The following CACNB4 variants were observed in gnomAD, a reference collection of about 807,000 sequenced individuals.
CACNB4 encodes calcium voltage-gated channel auxiliary subunit beta 4.
CACNB4 carries 32 observed loss-of-function variants against 71.2 expected under a neutral mutation model. The observed-to-expected ratio is 0.45, with a 90% confidence interval of 0.34 to 0.60. The LOEUF is 0.60. CACNB4 is among the 20% of genes least tolerant of loss of function. The pLI, the probability that CACNB4 is intolerant of heterozygous loss-of-function variation, is 0.01. For missense variants in CACNB4, 464 were observed against 647.9 expected, an observed-to-expected ratio of 0.72 and a Z score of 3.08; for synonymous variants, 231 against 236.9, an observed-to-expected ratio of 0.97 and a Z score of 0.23.
At chr2:151,887,285 G>C (rs1436466957) in intron 2 of CACNB4, among the ~76,000 whole-genome samples, 1 of 152,090 alleles carries the variant, frequency 6.6e-6, no homozygotes, top group East Asian at 1.9e-4. Flanking sequence ...TAACCCACGT[G>C]TAAGAAACAT....
At chr2:152,031,703 T>A (rs116390707) in intron 2 of CACNB4, among the ~76,000 whole-genome samples, 2,730 of 152,266 alleles carry the variant, frequency 0.018, 83 homozygotes, top group African/African-American at 0.062. Flanking sequence ...TTCAGAGTCC[T>A]GATGGCCTCT....
chr2:151,940,612 C>T (rs1166980597), intron 2 of CACNB4, among the ~76,000 whole-genome samples: 1 of 152,128 alleles, frequency 6.6e-6, no homozygotes, highest in Non-Finnish European at 1.5e-5. Context: ...GGGCTCTGGG[C>T]AAGAAATTTA....
chr2:152,008,909 C>A (rs1682889082), intron 2 of CACNB4, among the ~76,000 whole-genome samples: 1 of 152,184 alleles, frequency 6.6e-6, no homozygotes, highest in African/African-American at 2.4e-5. Context: ...GGCAACTTCC[C>A]TTGGTTCTGT....
intron 2 of CACNB4, among the ~76,000 whole-genome samples, chr2:152,075,600 A>T (rs1445415480): frequency 6.6e-6 from 1 of 152,102 alleles, no homozygotes; most frequent in Admixed American, 6.6e-5. Flanking sequence ...GGCTCTGCTG[A>T]CTTTCCCACG....
At chr2:151,875,722 T>C (rs1183331965) in intron 5 of CACNB4, among the ~76,000 whole-genome samples, 2 of 85,050 alleles carry the variant, frequency 2.4e-5, no homozygotes, top group Non-Finnish European at 2.3e-5. Flanking sequence ...GCAGAGGGGC[T>C]CCTCACTTCC....
chr2:152,095,318 T>C (rs985728163), intron 2 of CACNB4, among the ~76,000 whole-genome samples: 3 of 152,184 alleles, frequency 2.0e-5, no homozygotes, highest in Non-Finnish European at 4.4e-5. Context: ...TGTGCATATA[T>C]AGTCTCAGAA....
intron 2 of CACNB4, among the ~76,000 whole-genome samples, chr2:152,003,245 C>A (rs1055668883): frequency 3.9e-5 from 6 of 151,912 alleles, no homozygotes; most frequent in Non-Finnish European, 7.4e-5. Context: ...GAGTTCAAGA[C>A]CAGTCTGGCC....
At chr2:152,033,414 T>C (rs1001754224) in intron 2 of CACNB4, among the ~76,000 whole-genome samples, 1 of 152,152 alleles carries the variant, frequency 6.6e-6, no homozygotes, top group Non-Finnish European at 1.5e-5. Flanking sequence ...CTCCTTCAAC[T>C]CCAGCAGCCA....
At chr2:152,004,033 T>C (rs907159432) in intron 2 of CACNB4, among the ~76,000 whole-genome samples, 4 of 152,080 alleles carry the variant, frequency 2.6e-5, no homozygotes, top group Non-Finnish European at 4.4e-5. Flanking sequence ...TTACCCAGGC[T>C]GGTCTTGAAC....
intron 2 of CACNB4, among the ~76,000 whole-genome samples, chr2:152,076,333 T>G (rs1172840964): frequency 2.0e-5 from 3 of 149,082 alleles, no homozygotes; most frequent in Admixed American, 6.7e-5. Context: ...TTTTTTTTTT[T>G]TGTATTTTTT....
chr2:152,072,695 C>A (rs1686764509), intron 2 of CACNB4, among the ~76,000 whole-genome samples: 1 of 151,320 alleles, frequency 6.6e-6, no homozygotes, highest in South Asian at 2.1e-4. Flanking sequence ...GGTTGGAGTG[C>A]AGTGGCATGG....
intron 2 of CACNB4, among the ~76,000 whole-genome samples, chr2:151,922,147 G>A (rs772346692): frequency 6.6e-6 from 1 of 152,072 alleles, no homozygotes; most frequent in Non-Finnish European, 1.5e-5. Flanking sequence ...AGACTCACTG[G>A]GATAATCCTG....
rs900575412 is a variant in CACNB4 at position 151,854,551 on chromosome 2, C to T, written c.1020+673G>A. ...AACTGATTATTAAGATAGTACTTCCCAAGGGTAACCATTTCACGTTAACTT... is the reference window on the plus strand; with the variant it reads ...AACTGATTATTAAGATAGTACTTCCTAAGGGTAACCATTTCACGTTAACTT... On this transcript the variant is annotated intron_variant, in intron 11 of 13. Coordinates refer to ENST00000539935, the MANE Select transcript of CACNB4 (RefSeq NM_000726.5). 82 of 152,170 alleles carry T rather than the reference C, an allele frequency of 5.4e-4. 2 individuals are homozygous for T. Among genetic ancestry groups the T allele is most frequent in the Non-Finnish European group, 1.5e-5 (1 of 68,022 alleles). The allele number at this position is 152,170 out of a possible 1,614,324, so 9.4% of individuals were successfully genotyped here.
chr2:151,861,988 T>C (rs1360844459), intron 9 of CACNB4, among the ~76,000 whole-genome samples: 1 of 152,222 alleles, frequency 6.6e-6, no homozygotes, highest in Non-Finnish European at 1.5e-5. Context: ...CAACTTCCAA[T>C]TATCTACCAG....
At chr2:151,998,240 G>A (rs563901863) in intron 2 of CACNB4, among the ~76,000 whole-genome samples, 3 of 147,020 alleles carry the variant, frequency 2.0e-5, no homozygotes, top group Admixed American at 6.8e-5. Context: ...CAAGAGAATC[G>A]CTTGAACTCA....
intron 2 of CACNB4, among the ~76,000 whole-genome samples, chr2:151,924,559 A>ATT (rs2099859773): frequency 6.6e-6 from 1 of 151,668 alleles, no homozygotes; most frequent in East Asian, 1.9e-4. Context: ...GTATATATAT[A>ATT]TAATTACATC....
chr2:151,883,234 G>C lies in CACNB4; in HGVS notation c.267+17C>G, dbSNP rs940771810. The C allele has an allele frequency of 6.2e-7, 1 of 1,613,560 alleles. No individual in the cohort carries two copies. The highest frequency in any genetic ancestry group is 1.1e-5 in the South Asian group (1 of 91,076). ...CAACGACCCACTTTTGAGCCAAAGA[G>C]AAGGAAAGAGACTCACCTTTGCTCT... On this transcript the variant is annotated intron_variant, in intron 3 of 13. Transcript: ENST00000539935.
chr2:151,860,565 T>C (rs1160422044), intron 10 of CACNB4, 146 bp downstream of exon 10: 4 of 670,450 alleles, frequency 6.0e-6, no homozygotes, highest in Non-Finnish European at 1.1e-5. Flanking sequence ...TGCTGCCTTC[T>C]TGTCCATAGC....
At chr2:152,006,114 T>C (rs1682710458) in intron 2 of CACNB4, among the ~76,000 whole-genome samples, 1 of 152,236 alleles carries the variant, frequency 6.6e-6, no homozygotes, top group Non-Finnish European at 1.5e-5. Context: ...CATGTGGTCT[T>C]GCATATGCCC....
Sources: gnomAD v4.1 joint callset for allele counts (sites outside exome capture counted in the v4.1 genomes callset) on GRCh38, gnomAD v4.1.1 for gene constraint, MANE v1.5 for transcripts, NCBI Gene and HGNC (gene_info 2026-07-23, HGNC 2026-07-21) for gene names.